Variants in MAF observed in about 807,000 individuals in gnomAD.
MAF encodes MAF bZIP transcription factor, also known as transcription factor Maf.
Under a neutral mutation model 22.0 loss-of-function variants are expected in MAF, and 10 were observed. The observed-to-expected ratio is 0.45, with a 90% CI of 0.28 to 0.77. The LOEUF (loss-of-function observed/expected upper bound fraction) is 0.77, where lower values mean the gene tolerates loss of function less well. Ranked by LOEUF, MAF falls within the 30% of genes least tolerant of loss-of-function variation. The pLI is 0.12. For synonymous variants in MAF, 337 were observed against 255.8 expected, an observed-to-expected ratio of 1.32 and a Z score of -3.03; for missense variants, 544 against 548.4, an observed-to-expected ratio of 0.99 and a Z score of 0.08.
the MAF span, among the ~76,000 whole-genome samples, chr16:79,455,032 G>T: frequency 1.3e-5 from 2 of 151,676 alleles, no homozygotes; most frequent in Non-Finnish European, 2.9e-5. Context: ...GGAGGTGGAG[G>T]TTGCTGTGAG....
At chr16:79,412,884 C>T in the MAF span, among the ~76,000 whole-genome samples, 2 of 152,224 alleles carry the variant, frequency 1.3e-5, no homozygotes, top group African/African-American at 4.8e-5. Context: ...CCTGAAATCT[C>T]ACAAGAGTCA....
At chr16:79,346,281 G>C in the MAF span, among the ~76,000 whole-genome samples, 2 of 151,364 alleles carry the variant, frequency 1.3e-5, no homozygotes, top group Non-Finnish European at 2.9e-5. Flanking sequence ...GCAGTGTTTG[G>C]TTTTCTGTCC....
the MAF span, among the ~76,000 whole-genome samples, chr16:79,558,749 G>T: frequency 6.6e-6 from 1 of 152,160 alleles, no homozygotes; most frequent in African/African-American, 2.4e-5. Flanking sequence ...AAATTCAAGA[G>T]TCCAGTGGCT....
chr16:79,360,689 G>A, the MAF span, among the ~76,000 whole-genome samples: 1 of 152,182 alleles, frequency 6.6e-6, no homozygotes, highest in Admixed American at 6.5e-5. Context: ...GGTAGGACAA[G>A]TTTTGTCTTT....
At chr16:79,534,602 G>A in the MAF span, among the ~76,000 whole-genome samples, 141 of 146,318 alleles carry the variant, frequency 9.6e-4, no homozygotes, top group African/African-American at 3.4e-3. Context: ...TGGGGGGAGG[G>A]AGGAGGGATA....
chr16:79,508,236 G>A, the MAF span, among the ~76,000 whole-genome samples: 55 of 152,260 alleles, frequency 3.6e-4, 1 homozygote, highest in African/African-American at 1.3e-3. Flanking sequence ...ACCCAGGGAG[G>A]CCGCGTGGTG....
At chr16:79,570,306 A>G in the MAF span, among the ~76,000 whole-genome samples, 1 of 151,680 alleles carries the variant, frequency 6.6e-6, no homozygotes, top group Non-Finnish European at 1.5e-5. Flanking sequence ...TTATCCCCCC[A>G]TCCCTCCTCA....
At chr16:79,567,057 C>A in the MAF span, among the ~76,000 whole-genome samples, 3 of 152,336 alleles carry the variant, frequency 2.0e-5, no homozygotes, top group East Asian at 1.9e-4. Context: ...TGGTGGCTCA[C>A]GCCTGTAATG....
chr16:79,475,626 C>A, the MAF span, among the ~76,000 whole-genome samples: 1 of 151,964 alleles, frequency 6.6e-6, no homozygotes, highest in African/African-American at 2.4e-5. Context: ...TTTAACTATT[C>A]ATAAGGGTGT....
At chr16:79,356,460 C>G in the MAF span, among the ~76,000 whole-genome samples, 23,591 of 152,088 alleles carry the variant, frequency 0.16, 4,226 homozygotes, top group African/African-American at 0.43. Flanking sequence ...TAATATCAAG[C>G]ATGCTTGAGG....
At chr16:79,333,739 C>G in the MAF span, among the ~76,000 whole-genome samples, 1 of 152,170 alleles carries the variant, frequency 6.6e-6, no homozygotes, top group Admixed American at 6.5e-5. Context: ...GATGCCAGAT[C>G]CCAACACCTC....
chr16:79,316,413 G>T, the MAF span, among the ~76,000 whole-genome samples: 1 of 152,162 alleles, frequency 6.6e-6, no homozygotes, highest in South Asian at 2.1e-4. Flanking sequence ...AAACCTTTCT[G>T]CCTCCTCCCT....
At chr16:79,564,691 C>T in the MAF span, among the ~76,000 whole-genome samples, 1 of 152,188 alleles carries the variant, frequency 6.6e-6, no homozygotes, top group Non-Finnish European at 1.5e-5. Flanking sequence ...TTATTCAGGT[C>T]TGCCCAGACA....
At chr16:79,298,489 G>C in the MAF span, among the ~76,000 whole-genome samples, 1 of 152,204 alleles carries the variant, frequency 6.6e-6, no homozygotes, top group Non-Finnish European at 1.5e-5. Context: ...TTGACAACCA[G>C]CTCCAACTGG....
the MAF span, among the ~76,000 whole-genome samples, chr16:79,572,209 TC>T: frequency 2.0e-5 from 3 of 152,140 alleles, no homozygotes; most frequent in Non-Finnish European, 4.4e-5. Context: ...AAATCCTGTA[TC>T]GGTGGAGGGG....
chr16:79,366,847 G>C, the MAF span, among the ~76,000 whole-genome samples: 1 of 152,214 alleles, frequency 6.6e-6, no homozygotes, highest in Admixed American at 6.5e-5. Flanking sequence ...TTGCAGCATA[G>C]CCTGGCTCAT....
At chr16:79,216,246 CATGT>C in the MAF span, among the ~76,000 whole-genome samples, 1 of 152,080 alleles carries the variant, frequency 6.6e-6, no homozygotes, top group Non-Finnish European at 1.5e-5. Flanking sequence ...TGTATATGTA[CATGT>C]ATGCATGCAC....
chr16:79,554,102 C>A, the MAF span, among the ~76,000 whole-genome samples: 2 of 111,840 alleles, frequency 1.8e-5, no homozygotes, highest in African/African-American at 6.2e-5. Flanking sequence ...AACAAACAAA[C>A]AAACAAACAA....
chr16:79,209,428 G>A, the MAF span, among the ~76,000 whole-genome samples: 2 of 152,156 alleles, frequency 1.3e-5, no homozygotes, highest in Admixed American at 1.3e-4. Flanking sequence ...GGACTGCTTT[G>A]GTCTTTCCTC....
Sources: gnomAD v4.1 joint callset for allele counts (sites outside exome capture counted in the v4.1 genomes callset) on GRCh38, gnomAD v4.1.1 for gene constraint, MANE v1.5 for transcripts, NCBI Gene and HGNC (gene_info 2026-07-23, HGNC 2026-07-21) for gene names.